The following MAPRE3 variants were observed in gnomAD, a reference collection of about 807,000 sequenced individuals.
MAPRE3 encodes the protein microtubule-associated protein RP/EB family member 3.
In MAPRE3, 2 loss-of-function variants were observed where a neutral mutation model predicts 30.5. The ratio of observed to expected loss-of-function variants is 0.07; its 90% CI spans 0.03 to 0.21. The LOEUF (loss-of-function observed/expected upper bound fraction) is 0.21, where lower values mean the gene tolerates loss of function less well. Among genes scored for constraint, MAPRE3 ranks in the 10% least tolerant of loss-of-function variants. The pLI, the probability that MAPRE3 is intolerant of heterozygous loss-of-function variation, is 1.00. For missense variants in MAPRE3, 204 were observed against 351.8 expected (o/e 0.58, Z 3.36); for synonymous variants, 110 against 127.7 (o/e 0.86, Z 0.93).
chr2:27,023,568 G>T, intron 3 of MAPRE3, 91 bp downstream of exon 3: 2 of 1,512,136 alleles, frequency 1.3e-6, no homozygotes, highest in Non-Finnish European at 1.8e-6. Context: ...GGCTGCTGGG[G>T]TCATTCCGGT....
intron 1 of MAPRE3, among the ~76,000 whole-genome samples, chr2:27,020,000 T>G (rs888641482): frequency 7.2e-5 from 11 of 152,154 alleles, no homozygotes; most frequent in African/African-American, 2.7e-4. Flanking sequence ...CAGTTTCTCA[T>G]TTAGTTAGGT....
chr2:27,010,439 C>CTTTTT (rs71401549), intron 1 of MAPRE3, among the ~76,000 whole-genome samples: 6 of 115,492 alleles, frequency 5.2e-5, no homozygotes, highest in South Asian at 2.9e-4. Flanking sequence ...ATCTGTATTT[C>CTTTTT]TTTTTTTTTT....
intron 4 of MAPRE3, among the ~76,000 whole-genome samples, chr2:27,025,007 G>A (rs529371008): frequency 1.3e-4 from 20 of 152,302 alleles, no homozygotes; most frequent in Admixed American, 9.1e-4. Context: ...CTAGGGAGGT[G>A]CAGTCGCTAG....
rs1666209280 is a variant in MAPRE3 at position 26,985,936 on chromosome 2, A to G, written c.-8+15134A>G. The stretch of plus-strand genomic sequence containing the variant: ...CCCCAAGAGCCTTCAGAGGGAGGGC[A>G]GCCCTACCGATGCTGTGATGCTGGA... On this transcript the variant is annotated intron_variant, in intron 1 of 6. Coordinates refer to ENST00000233121, the MANE Select transcript of MAPRE3 (RefSeq NM_012326.4). This position sits in a 1 kb window ranked among gnomAD's most constrained non-coding sequence, Gnocchi z 4.2. Among the ~76,000 whole-genome samples, 1 of 152,176 alleles carries G rather than the reference A, an allele frequency of 6.6e-6. No homozygotes were observed.
In MAPRE3 at chr2:26,986,328, A is replaced by G. The variant is rs1666218893; in HGVS notation, c.-8+15526A>G. On this transcript the variant is annotated intron_variant, in intron 1 of 6. Transcript: ENST00000233121. This position sits in a 1 kb window ranked among gnomAD's most constrained non-coding sequence, Gnocchi z 4.2. ...TCACATCTGCAAAGTCCCTTTTGCC[A>G]TTTAAGATGACATATTTATATGTTC... 1.3e-5 allele frequency among the ~76,000 whole-genome samples: 2 copies of G among 152,324 alleles called. No individual in the cohort carries two copies. The highest frequency in any genetic ancestry group is 3.4e-3 in the Middle Eastern group (1 of 294).
intron 1 of MAPRE3, among the ~76,000 whole-genome samples, chr2:27,005,443 C>A (rs1373886897): frequency 6.6e-6 from 1 of 152,182 alleles, no homozygotes; most frequent in East Asian, 1.9e-4. Context: ...ACTTTGGGGT[C>A]ATCTTTGACC....
At chr2:27,021,800 T>C (rs1667115088) in intron 1 of MAPRE3, among the ~76,000 whole-genome samples, 1 of 152,222 alleles carries the variant, frequency 6.6e-6, no homozygotes, top group African/African-American at 2.4e-5. Context: ...TCCCTTTTTA[T>C]GTCTGGAAAA....
At chr2:27,000,587 G>T (rs1209021622) in intron 1 of MAPRE3, among the ~76,000 whole-genome samples, 2 of 152,248 alleles carry the variant, frequency 1.3e-5, no homozygotes, top group African/African-American at 4.8e-5. Flanking sequence ...TTTCAGATTG[G>T]TTATTTCATT....
In MAPRE3 at chr2:27,017,536, C is replaced by T. The variant is rs115862340; in HGVS notation, c.-7-4676C>T. Among the ~76,000 whole-genome samples the T allele has an allele frequency of 3.4e-3, 517 of 152,240 alleles. 4 individuals are homozygous for T. Among genetic ancestry groups the T allele is most frequent in the African/African-American group, 0.012 (483 of 41,536 alleles). On this transcript the variant is annotated intron_variant, in intron 1 of 6. Transcript: ENST00000233121. Reference sequence around the variant, plus strand: ...GAGAAGACCTGGGCATTTTTCAAGCCGCTATGTGGCTCTTAGTGACTCTTG... The same window carrying T: ...GAGAAGACCTGGGCATTTTTCAAGCTGCTATGTGGCTCTTAGTGACTCTTG...
chr2:27,022,562 A>G (rs1667131689), intron 2 of MAPRE3: 2 of 541,854 alleles, frequency 3.7e-6, no homozygotes. Context: ...GCTATATGGT[A>G]TAGCCTACTA....
At chr2:27,023,812 G>A (rs1394998847) in intron 3 of MAPRE3, 2 of 508,514 alleles carry the variant, frequency 3.9e-6, no homozygotes, top group Admixed American at 3.2e-5. Context: ...TACTGCCTCG[G>A]TGGCTGCAGA....
At chr2:26,999,427 G>A (rs1227569096) in intron 1 of MAPRE3, among the ~76,000 whole-genome samples, 6 of 150,430 alleles carry the variant, frequency 4.0e-5, no homozygotes, top group Non-Finnish European at 1.5e-5. Flanking sequence ...GTTGGCCAAA[G>A]CAAGAGAGGC....
At chr2:27,008,713 A>G (rs890672955) in intron 1 of MAPRE3, among the ~76,000 whole-genome samples, 1 of 152,216 alleles carries the variant, frequency 6.6e-6, no homozygotes, top group Admixed American at 6.5e-5. Flanking sequence ...TCCCAGAGCC[A>G]GACTTCCATG....
chr2:27,008,558 CA>C (rs1666778459), intron 1 of MAPRE3, among the ~76,000 whole-genome samples: 1 of 152,116 alleles, frequency 6.6e-6, no homozygotes, highest in African/African-American at 2.4e-5. Flanking sequence ...TAAACTGAGA[CA>C]AAGCCATAAT....
intron 1 of MAPRE3, among the ~76,000 whole-genome samples, chr2:26,998,343 G>T (rs1666512599): frequency 6.6e-6 from 1 of 152,124 alleles, no homozygotes; most frequent in Non-Finnish European, 1.5e-5. Flanking sequence ...TCTTTAAACA[G>T]GCCTGCTTGT....
intron 1 of MAPRE3, among the ~76,000 whole-genome samples, chr2:27,010,078 G>A (rs1262046176): frequency 1.3e-5 from 2 of 152,166 alleles, no homozygotes; most frequent in African/African-American, 4.8e-5. Flanking sequence ...TGAATCTGAG[G>A]CTCTGCAATG....
At chr2:27,005,088 A>T (rs1666696214) in intron 1 of MAPRE3, among the ~76,000 whole-genome samples, 1 of 152,238 alleles carries the variant, frequency 6.6e-6, no homozygotes. Flanking sequence ...CTGGGGAAAA[A>T]ATGAAAGGTA....
chr2:27,023,716 C>T (rs1341864549), intron 3 of MAPRE3: 2 of 547,528 alleles, frequency 3.7e-6, no homozygotes, highest in Non-Finnish European at 6.7e-6. Context: ...CCCTGCCCAC[C>T]CCAACACTGA....
intron 1 of MAPRE3, chr2:26,984,729 C>T (rs979117085): frequency 6.6e-6 from 1 of 152,254 alleles, no homozygotes; most frequent in African/African-American, 2.4e-5. Context: ...CTGTGGTGAA[C>T]ATATTACTCC....
Sources: gnomAD v4.1 joint callset for allele counts (sites outside exome capture counted in the v4.1 genomes callset) on GRCh38, gnomAD v4.1.1 for gene constraint, Gnocchi (gnomAD v3.1) non-coding constraint, MANE v1.5 for transcripts, NCBI Gene and HGNC (gene_info 2026-07-23, HGNC 2026-07-21) for gene names.